The following FRAS1 variants were observed in gnomAD, a reference collection of about 807,000 sequenced individuals.
FRAS1 encodes the protein extracellular matrix organizing protein FRAS1.
FRAS1 carries 290 observed loss-of-function variants against 435.2 expected under a neutral mutation model. That is an observed-to-expected ratio of 0.67 (90% CI 0.61 to 0.73). FRAS1 has a LOEUF of 0.73. FRAS1 is among the 30% of genes least tolerant of loss of function. The probability of loss-of-function intolerance (pLI) is 0.00; values close to 1 mark genes in which losing one functional copy is unlikely to be tolerated. For missense variants in FRAS1, 4,860 were observed against 5,001.5 expected (o/e 0.97, Z 0.85); for synonymous variants, 1,800 against 1,851.0 (o/e 0.97, Z 0.71).
At chr4:78,276,661 A>G (rs575247767) in intron 9 of FRAS1, among the ~76,000 whole-genome samples, 1 of 152,272 alleles carries the variant, frequency 6.6e-6, no homozygotes, top group Admixed American at 6.5e-5. Flanking sequence ...TTGCTGCCTG[A>G]TCATTCCTCT....
At chr4:78,536,790 A>G (rs1269449433) in intron 71 of FRAS1, among the ~76,000 whole-genome samples, 1 of 152,236 alleles carries the variant, frequency 6.6e-6, no homozygotes, top group African/African-American at 2.4e-5. Context: ...TTCCCTAGCA[A>G]GAAAACTCAG....
At chr4:78,336,367 A>G (rs1730170487) in intron 19 of FRAS1, among the ~76,000 whole-genome samples, 1 of 152,116 alleles carries the variant, frequency 6.6e-6, no homozygotes, top group Non-Finnish European at 1.5e-5. Flanking sequence ...TTTTGTATGT[A>G]TAAAATTGTT....
At chr4:78,435,333 A>G (rs540969244) in intron 38 of FRAS1, among the ~76,000 whole-genome samples, 1 of 152,336 alleles carries the variant, frequency 6.6e-6, no homozygotes, top group Admixed American at 6.5e-5. Context: ...GGGCAAGGGG[A>G]TTTACCTTAC....
chr4:78,433,591 A>G (rs1734295004), intron 38 of FRAS1, among the ~76,000 whole-genome samples: 1 of 152,172 alleles, frequency 6.6e-6, no homozygotes, highest in Non-Finnish European at 1.5e-5. Flanking sequence ...TTTCCCCTCA[A>G]ATGGTCCTTT....
intron 19 of FRAS1, among the ~76,000 whole-genome samples, chr4:78,336,976 T>C (rs1484460322): frequency 6.6e-6 from 1 of 151,932 alleles, no homozygotes; most frequent in Non-Finnish European, 1.5e-5. Context: ...ACCGTGACTC[T>C]CTTGGTTTGT....
chr4:78,481,160 C>G lies in FRAS1; in HGVS notation c.8444-644C>G, dbSNP rs17003280. Among the ~76,000 whole-genome samples the G allele has an allele frequency of 2.5e-3, 377 of 152,294 alleles. 2 individuals carry two copies. Among genetic ancestry groups the G allele is most frequent in the African/African-American group, 8.5e-3 (354 of 41,570 alleles). On this transcript the variant is annotated intron_variant, in intron 56 of 73. Transcript: ENST00000512123. ...TGAAAATTGTAGGGTTTTCATGAAGCTTTTCTCTGCCCTTGATTGTGAAAA... is the reference window on the plus strand; with the variant it reads ...TGAAAATTGTAGGGTTTTCATGAAGGTTTTCTCTGCCCTTGATTGTGAAAA...
chr4:78,114,756 C>G (rs1025322073), intron 2 of FRAS1, among the ~76,000 whole-genome samples: 14 of 152,232 alleles, frequency 9.2e-5, no homozygotes, highest in Non-Finnish European at 4.4e-5. Flanking sequence ...TCTAGATATA[C>G]AGTCATGTCA....
chr4:78,181,686 C>A (rs1470533049), intron 2 of FRAS1: 1 of 1,609,678 alleles, frequency 6.2e-7, no homozygotes, highest in Non-Finnish European at 8.5e-7. Context: ...ATTATTTTCC[C>A]CTCACCCTGA....
intron 22 of FRAS1, among the ~76,000 whole-genome samples, chr4:78,368,963 A>T (rs1731387029): frequency 6.6e-6 from 1 of 152,178 alleles, no homozygotes; most frequent in Non-Finnish European, 1.5e-5. Context: ...CTGAAACCTG[A>T]GCTGTATGAA....
chr4:78,503,222 G>A (rs184228226), intron 61 of FRAS1, among the ~76,000 whole-genome samples: 18 of 152,250 alleles, frequency 1.2e-4, no homozygotes, highest in Admixed American at 3.3e-4. Flanking sequence ...GGATGATTCC[G>A]GCTTCATAAA....
intron 19 of FRAS1, among the ~76,000 whole-genome samples, chr4:78,334,376 T>A (rs1281800383): frequency 7.2e-6 from 1 of 138,808 alleles, no homozygotes; most frequent in Non-Finnish European, 1.6e-5. Flanking sequence ...TTTTTTTTTT[T>A]TTTTTTTTTT....
At chr4:78,192,114 C>T (rs1722565901) in intron 2 of FRAS1, among the ~76,000 whole-genome samples, 4 of 152,192 alleles carry the variant, frequency 2.6e-5, no homozygotes, top group Non-Finnish European at 5.9e-5. Flanking sequence ...ACCAGCCTTG[C>T]ATCCCAGGAA....
intron 2 of FRAS1, among the ~76,000 whole-genome samples, chr4:78,230,896 A>G (rs1385015774): frequency 1.3e-5 from 2 of 152,196 alleles, no homozygotes; most frequent in African/African-American, 2.4e-5. Flanking sequence ...GTCTATCTAC[A>G]TATAGTAGAC....
At chr4:78,173,242 C>T (rs1226042852) in intron 2 of FRAS1, among the ~76,000 whole-genome samples, 5 of 152,190 alleles carry the variant, frequency 3.3e-5, no homozygotes, top group Non-Finnish European at 5.9e-5. Context: ...GGAGGTGGCT[C>T]ATCTCTCTCT....
At chr4:78,482,003 G>A in intron 57 of FRAS1, 39 bp downstream of exon 57, 1 of 1,593,590 alleles carries the variant, frequency 6.3e-7, no homozygotes, top group Non-Finnish European at 8.5e-7. Context: ...AAGTTGACAG[G>A]TCGGTTTGTG....
rs370570352 is a variant in FRAS1 at position 78,506,406 on chromosome 4, C to G, written c.9317-1015C>G. On this transcript the variant is annotated intron_variant, in intron 61 of 73. Coordinates refer to ENST00000512123, the MANE Select transcript of FRAS1 (RefSeq NM_025074.7). Reference sequence around the variant, plus strand: ...CTTCCTGAGCTGTGGTGGGCTCCCCCCAGTTCGAGCTTCCCAGCCGCTTTG... The same window carrying G: ...CTTCCTGAGCTGTGGTGGGCTCCCCGCAGTTCGAGCTTCCCAGCCGCTTTG... 3.7e-4 allele frequency among the ~76,000 whole-genome samples: 57 copies of G among 152,370 alleles called. No individual in the cohort carries two copies. In the South Asian group the frequency reaches 0.011, roughly 30 times the overall value.
intron 2 of FRAS1, among the ~76,000 whole-genome samples, chr4:78,116,187 C>T (rs1743159483): frequency 6.6e-6 from 1 of 152,188 alleles, no homozygotes; most frequent in Admixed American, 6.5e-5. Context: ...GCCCTGTGGT[C>T]TGAGAGACAG....
At chr4:78,249,707 T>C (rs1403180969) in intron 4 of FRAS1, among the ~76,000 whole-genome samples, 1 of 152,174 alleles carries the variant, frequency 6.6e-6, no homozygotes, top group East Asian at 1.9e-4. Flanking sequence ...TTGAGTTAGA[T>C]AATAAATTTA....
Position 78,482,304 on chromosome 4 carries a change from C to G in FRAS1, c.8605-84C>G. 3.4e-6 allele frequency: 5 copies of G among 1,474,178 alleles called. No individual in the cohort carries two copies. The South Asian group carries it at 5.9e-5, about 17-fold the overall frequency. 91.3% of individuals were successfully genotyped at this position (1,474,178 alleles called of 1,614,324 possible). On this transcript the variant is annotated intron_variant, in intron 57 of 73. Transcript: ENST00000512123. ...TTACTTTAAAACCACCAAAGACAGGCAAGTTGTGACCTTTGCCCTAGTCAA... is the reference window on the plus strand; with the variant it reads ...TTACTTTAAAACCACCAAAGACAGGGAAGTTGTGACCTTTGCCCTAGTCAA...
Sources: gnomAD v4.1 joint callset for allele counts (sites outside exome capture counted in the v4.1 genomes callset) on GRCh38, gnomAD v4.1.1 for gene constraint, MANE v1.5 for transcripts, NCBI Gene and HGNC (gene_info 2026-07-23, HGNC 2026-07-21) for gene names.